Variants in AGT observed in about 807,000 individuals in gnomAD.
AGT encodes alpha-1 antiproteinase, antitrypsin.
A neutral mutation model predicts 28.1 loss-of-function variants in AGT; 26 were observed. That is an observed-to-expected ratio of 0.92 (90% confidence interval 0.68 to 1.28). The LOEUF (loss-of-function observed/expected upper bound fraction) is 1.28. Among genes scored for constraint, AGT ranks in the 50% most tolerant of loss-of-function variants. AGT has a pLI of 0.00. For missense variants in AGT, 596 were observed against 592.3 expected (o/e 1.01, Z -0.06); for synonymous variants, 259 against 259.6 (o/e 1.00, Z 0.02).
chr1:230,725,541 G>C (rs1663925227), intron 1 of AGT, among the ~76,000 whole-genome samples: 1 of 152,182 alleles, frequency 6.6e-6, no homozygotes, highest in Admixed American at 6.5e-5. Flanking sequence ...AATAAGTTTA[G>C]ATAAGAAACA....
chr1:230,737,100 C>A (rs1664169449), intron 1 of AGT, among the ~76,000 whole-genome samples: 1 of 152,148 alleles, frequency 6.6e-6, no homozygotes, highest in Non-Finnish European at 1.5e-5. Flanking sequence ...GCTCCCCAAT[C>A]TCCCCTAGTT....
chr1:230,707,153 C>T (rs1052521105), intron 2 of AGT, among the ~76,000 whole-genome samples: 2 of 152,236 alleles, frequency 1.3e-5, no homozygotes, highest in African/African-American at 4.8e-5. Flanking sequence ...TGACAGAGAA[C>T]TCGGGAGAGC....
At chr1:230,733,491 G>C (rs992533767) in intron 1 of AGT, among the ~76,000 whole-genome samples, 3 of 152,090 alleles carry the variant, frequency 2.0e-5, no homozygotes, top group Admixed American at 2.0e-4. Context: ...GCCTTTAGTT[G>C]AGGTCGATTT....
intron 1 of AGT, among the ~76,000 whole-genome samples, chr1:230,734,334 A>G (rs2102804565): frequency 6.6e-6 from 1 of 152,270 alleles, no homozygotes; most frequent in South Asian, 2.1e-4. Flanking sequence ...AGGTTCTTAG[A>G]ATAGTCAGAT....
chr1:230,709,962 T>C (rs1199419689), intron 2 of AGT, 33 bp downstream of exon 2: 6 of 1,613,938 alleles, frequency 3.7e-6, no homozygotes, highest in Non-Finnish European at 5.1e-6. Flanking sequence ...TACTAAGTCC[T>C]AGGGCCAGAG....
At chr1:230,716,021 A>G (rs1355373818), upstream of AGT, among the ~76,000 whole-genome samples, 1 of 152,238 alleles carries the variant, frequency 6.6e-6, no homozygotes, top group Non-Finnish European at 1.5e-5. Flanking sequence ...ACTTCTCTTA[A>G]TAATGACACG....
rs141376709 is a variant in AGT, at chr1:230,712,442, AG to A, written c.-30-1590del. On this transcript the variant is annotated intron_variant, in intron 1 of 4. Coordinates refer to ENST00000366667, the MANE Select transcript of AGT (RefSeq NM_001384479.1). The stretch of plus-strand genomic sequence containing the variant: ...GCATTTGACTCCATCCGCTGTTCTC[AG>A]GAAGAGCCACATGACATGGAAAAAT... Among the ~76,000 whole-genome samples the A allele has an allele frequency of 3.5e-3, 529 of 152,298 alleles. 4 individuals carry two copies. The highest frequency in any genetic ancestry group is 0.012 in the African/African-American group (484 of 41,570).
At chr1:230,735,015 T>G (rs1036397841) in intron 1 of AGT, among the ~76,000 whole-genome samples, 9 of 152,036 alleles carry the variant, frequency 5.9e-5, no homozygotes, top group Admixed American at 4.6e-4. Flanking sequence ...CGCCCGGCCA[T>G]AACTGGCTGT....
chr1:230,738,251 T>C (rs1664187600), intron 1 of AGT, among the ~76,000 whole-genome samples: 1 of 152,208 alleles, frequency 6.6e-6, no homozygotes, highest in East Asian at 1.9e-4. Flanking sequence ...ACTCTATGTC[T>C]AGTTGTTTGA....
chr1:230,743,932 C>A (rs1378691199), intron 1 of AGT, among the ~76,000 whole-genome samples: 1 of 152,188 alleles, frequency 6.6e-6, no homozygotes, highest in Non-Finnish European at 1.5e-5. Context: ...AAAAGAGAGG[C>A]CAGGAAGGCC....
At chr1:230,736,165 T>TTGTGTG (rs375559522) in intron 1 of AGT, among the ~76,000 whole-genome samples, 101 of 149,534 alleles carry the variant, frequency 6.8e-4, no homozygotes, top group East Asian at 1.6e-3. Flanking sequence ...AAGGCAAAGT[T>TTGTGTG]TGTGTGTGTG....
intron 1 of AGT, among the ~76,000 whole-genome samples, chr1:230,744,723 A>G (rs757387373): frequency 6.6e-6 from 1 of 152,224 alleles, no homozygotes; most frequent in Non-Finnish European, 1.5e-5. Flanking sequence ...TCCCAGGTGG[A>G]AGGACAAGAC....
chr1:230,703,334 A>C lies in AGT; in HGVS notation c.1243-5T>G. ...AAAAAAAATGCTGTTCAGCACCTGC[A>C]AAGCAGCAGACATCAGGATCATTCT... is the stretch of plus-strand genomic sequence containing the variant. On this transcript the variant is annotated splice_region_variant and splice_polypyrimidine_tract_variant and intron_variant, in intron 4 of 4. Transcript: ENST00000366667. 6.2e-7 allele frequency: 1 copy of C among 1,614,234 alleles called. No individual in the cohort carries two copies.
chr1:230,720,813 A>T (rs1042212334), intron 1 of AGT, among the ~76,000 whole-genome samples: 17 of 104,880 alleles, frequency 1.6e-4, no homozygotes, highest in African/African-American at 6.4e-4. Flanking sequence ...CACATGGGGG[A>T]CTTTCCCACC....
chr1:230,708,092 G>T (rs1663447599), intron 2 of AGT, among the ~76,000 whole-genome samples: 1 of 152,192 alleles, frequency 6.6e-6, no homozygotes, highest in African/African-American at 2.4e-5. Flanking sequence ...AGACCATGTG[G>T]GCAGGAAGTG....
In AGT at chr1:230,742,756, C is replaced by A. The variant is rs537318910; in HGVS notation, c.-31+2759G>T. On this transcript the variant is annotated intron_variant, in intron 1 of 4. Coordinates refer to the AGT transcript ENST00000681269. Reference sequence around the variant, plus strand: ...ATAATTTTCTTTACCATTCCCCCAACAGAGGGCACTAAGTGCTTTCCAACC... The same window carrying A: ...ATAATTTTCTTTACCATTCCCCCAAAAGAGGGCACTAAGTGCTTTCCAACC... Among the ~76,000 whole-genome samples the A allele has an allele frequency of 2.6e-4, 39 of 152,338 alleles. 1 individual carries two copies. In the South Asian group the frequency reaches 7.9e-3, roughly 31 times the overall value.
intron 1 of AGT, among the ~76,000 whole-genome samples, chr1:230,739,957 G>A (rs540289488): frequency 1.5e-4 from 23 of 152,310 alleles, no homozygotes; most frequent in South Asian, 2.1e-4. Flanking sequence ...CGTAAAGAAA[G>A]AATGGCCACT....
upstream of AGT, among the ~76,000 whole-genome samples, chr1:230,718,952 C>T (rs1663793108): frequency 6.6e-6 from 1 of 152,066 alleles, no homozygotes; most frequent in South Asian, 2.1e-4. Flanking sequence ...TGGTCTCAAA[C>T]TCCTGAGCTC....
Position 230,731,265 on chromosome 1 carries a change from C to A in AGT, c.-31+14250G>T, listed in dbSNP as rs113887724. On this transcript the variant is annotated intron_variant, in intron 1 of 4. Coordinates refer to the AGT transcript ENST00000681269. ...GTCCCTTTCAGGTCCACACTGTTTA[C>A]CTAGTGCAGGGGTGGCTTCTAGCGG... 1.7e-3 allele frequency among the ~76,000 whole-genome samples: 256 copies of A among 152,310 alleles called. 2 individuals are homozygous for A. Among genetic ancestry groups the A allele is most frequent in the African/African-American group, 6.0e-3 (249 of 41,568 alleles).
Sources: gnomAD v4.1 joint callset for allele counts (sites outside exome capture counted in the v4.1 genomes callset) on GRCh38, gnomAD v4.1.1 for gene constraint, MANE v1.5 for transcripts, NCBI Gene and HGNC (gene_info 2026-07-23, HGNC 2026-07-21) for gene names.